Variants in ABTB2 observed in about 807,000 individuals in gnomAD.
ABTB2 encodes ankyrin repeat and BTB/POZ domain-containing protein 2.
A neutral mutation model predicts 104.1 loss-of-function variants in ABTB2; 56 were observed. The observed-to-expected ratio is 0.54, with a 90% CI of 0.43 to 0.67. The LOEUF is 0.67. Ranked by LOEUF, ABTB2 falls within the 30% of genes least tolerant of loss-of-function variation. ABTB2 has a pLI of 0.00. For synonymous variants in ABTB2, 606 were observed against 608.2 expected, an observed-to-expected ratio of 1.00 and a Z score of 0.05; for missense variants, 1,279 against 1,407.7, an observed-to-expected ratio of 0.91 and a Z score of 1.46.
At chr11:34,271,652 T>C (rs920092776) in intron 1 of ABTB2, among the ~76,000 whole-genome samples, 17 of 152,156 alleles carry the variant, frequency 1.1e-4, no homozygotes, top group African/African-American at 4.1e-4. Context: ...GAGGATTGCT[T>C]GGGCCCAGAA....
intron 1 of ABTB2, among the ~76,000 whole-genome samples, chr11:34,283,748 T>G (rs555767940): frequency 2.0e-4 from 30 of 152,304 alleles, no homozygotes; most frequent in South Asian, 4.1e-4. Flanking sequence ...GTCTTTCAAC[T>G]GCAAAATATT....
chr11:34,280,374 T>G (rs7938990), intron 1 of ABTB2, among the ~76,000 whole-genome samples: 4,237 of 152,212 alleles, frequency 0.028, 160 homozygotes, highest in African/African-American at 0.086. Context: ...AACAGGTAGG[T>G]TTGAGGAGAG....
At chr11:34,348,141 T>C (rs1855356435) in intron 1 of ABTB2, among the ~76,000 whole-genome samples, 1 of 152,206 alleles carries the variant, frequency 6.6e-6, no homozygotes, top group African/African-American at 2.4e-5. Context: ...AACCCAAGTT[T>C]GCTCAGTTAA....
In ABTB2 at chr11:34,250,142, G is replaced by A. The variant is rs144068687; in HGVS notation, c.884-45452C>T. ...AAGAACAGGGGTCTTGGAGAGCTGG[G>A]TGTTCTAAGAGCACAGAGGAGGGAA... On this transcript the variant is annotated intron_variant, in intron 1 of 16. Coordinates refer to ENST00000435224, the MANE Select transcript of ABTB2 (RefSeq NM_145804.3). Among the ~76,000 whole-genome samples the A allele has an allele frequency of 6.0e-3, 920 of 152,300 alleles. 10 individuals are homozygous for A. The highest frequency in any genetic ancestry group is 0.021 in the African/African-American group (858 of 41,542).
At chr11:34,288,041 T>C (rs940921014) in intron 1 of ABTB2, among the ~76,000 whole-genome samples, 5 of 152,186 alleles carry the variant, frequency 3.3e-5, no homozygotes, top group Admixed American at 2.0e-4. Flanking sequence ...GGGGGTGGTA[T>C]GTTGAATCCC....
At chr11:34,315,899 C>T (rs973299093) in intron 1 of ABTB2, among the ~76,000 whole-genome samples, 1 of 152,162 alleles carries the variant, frequency 6.6e-6, no homozygotes, top group African/African-American at 2.4e-5. Flanking sequence ...AGTGGAGAAA[C>T]CTGAGGTGGC....
intron 4 of ABTB2, among the ~76,000 whole-genome samples, chr11:34,172,418 A>ATATG (rs55819950): frequency 0.032 from 2,647 of 83,814 alleles, 225 homozygotes; most frequent in Non-Finnish European, 0.046. Flanking sequence ...ATATATATAT[A>ATATG]TGTGTGTGTG....
intron 1 of ABTB2, among the ~76,000 whole-genome samples, chr11:34,232,349 C>T (rs1853779367): frequency 6.6e-6 from 1 of 150,944 alleles, no homozygotes; most frequent in Non-Finnish European, 1.5e-5. Flanking sequence ...ACTTGGGAGG[C>T]AGAGGCATGA....
At chr11:34,204,720 C>G in intron 1 of ABTB2, 30 bp from the exon 2 acceptor site, 1 of 1,595,456 alleles carries the variant, frequency 6.3e-7, no homozygotes, top group Non-Finnish European at 8.6e-7. Flanking sequence ...ACAGGTCACA[C>G]TTAGGAAGGA....
intron 14 of ABTB2, among the ~76,000 whole-genome samples, chr11:34,156,367 G>A (rs1383995368): frequency 6.6e-6 from 1 of 152,142 alleles, no homozygotes; most frequent in Admixed American, 6.5e-5. Context: ...GCAGCCTGTG[G>A]GGCTAGAGGC....
intron 1 of ABTB2, among the ~76,000 whole-genome samples, chr11:34,218,866 A>G (rs1406503714): frequency 6.6e-6 from 1 of 151,466 alleles, no homozygotes; most frequent in Non-Finnish European, 1.5e-5. Context: ...AAAAAAAAAA[A>G]AAAAAAGACT....
chr11:34,269,593 C>T (rs534293905), intron 1 of ABTB2, among the ~76,000 whole-genome samples: 1 of 152,370 alleles, frequency 6.6e-6, no homozygotes, highest in South Asian at 2.1e-4. Context: ...CCACAGACAA[C>T]TTGCAACCAA....
chr11:34,258,314 AT>A (rs1029246517), intron 1 of ABTB2, among the ~76,000 whole-genome samples: 9 of 151,094 alleles, frequency 6.0e-5, no homozygotes, highest in East Asian at 1.9e-4. Context: ...ATCCCACTTC[AT>A]TTTTTTTTCC....
At chr11:34,300,539 G>A (rs763644804) in intron 1 of ABTB2, among the ~76,000 whole-genome samples, 18 of 152,146 alleles carry the variant, frequency 1.2e-4, no homozygotes, top group Admixed American at 2.0e-4. Context: ...TTTGTTTGAC[G>A]ATCTACAGCA....
At chr11:34,213,885 ATC>A (rs1306465058) in intron 1 of ABTB2, among the ~76,000 whole-genome samples, 3 of 152,172 alleles carry the variant, frequency 2.0e-5, no homozygotes, top group African/African-American at 7.2e-5. Context: ...GTGGAAAAAT[ATC>A]TCTGTGTTAT....
At chr11:34,159,238 TG>T in intron 14 of ABTB2, 57 bp downstream of exon 14, 1 of 1,357,090 alleles carries the variant, frequency 7.4e-7, no homozygotes, top group Non-Finnish European at 1.1e-6. Context: ...GCCCACAAGG[TG>T]GGCTCCTGGG....
At chr11:34,275,855 T>C (rs553092036) in intron 1 of ABTB2, among the ~76,000 whole-genome samples, 1 of 152,304 alleles carries the variant, frequency 6.6e-6, no homozygotes, top group South Asian at 2.1e-4. Context: ...ACCATTCTCA[T>C]TGGGTCAGCT....
chr11:34,283,043 G>A (rs1027617979), intron 1 of ABTB2, among the ~76,000 whole-genome samples: 1 of 150,876 alleles, frequency 6.6e-6, no homozygotes, highest in Non-Finnish European at 1.5e-5. Flanking sequence ...TAAGTAGCTG[G>A]TACTACAGGC....
intron 3 of ABTB2, among the ~76,000 whole-genome samples, chr11:34,191,250 C>G (rs1015394479): frequency 1.3e-5 from 2 of 152,178 alleles, no homozygotes; most frequent in Non-Finnish European, 2.9e-5. Flanking sequence ...GCCTGGGTGA[C>G]AGAGTGAGCC....
Sources: allele counts gnomAD v4.1 joint callset (sites outside exome capture counted in the v4.1 genomes callset), GRCh38; gene constraint gnomAD v4.1.1; transcripts MANE v1.5; gene names NCBI Gene and HGNC (gene_info 2026-07-23, HGNC 2026-07-21).